The following MALRD1 variants were observed in gnomAD, a reference collection of about 807,000 sequenced individuals.
The protein encoded by MALRD1 is MAM and LDL-receptor class A domain-containing protein 1.
MALRD1 carries 247 observed loss-of-function variants against 242.1 expected under a neutral mutation model. The observed-to-expected ratio is 1.02, with a 90% CI of 0.92 to 1.13. MALRD1 has a LOEUF of 1.13. MALRD1 is among the 50% of genes most tolerant of loss of function. MALRD1 has a pLI of 0.00. For missense variants in MALRD1, 2,989 were observed against 2,533.1 expected (o/e 1.18, Z -3.86); for synonymous variants, 995 against 866.6 (o/e 1.15, Z -2.60).
rs181827635 is a variant in MALRD1 at position 19,234,717 on chromosome 10, A to G, written c.2992-22967A>G. 8.5e-5 allele frequency among the ~76,000 whole-genome samples: 13 copies of G among 152,278 alleles called. No individual in the cohort carries two copies. In the East Asian group the frequency reaches 1.2e-3, roughly 14 times the overall value. ...TAGATCCTACTATACTCCAGACACT[A>G]TGCCACTTGGTGGAGATATTAACAC... On this transcript the variant is annotated intron_variant, in intron 18 of 39. Transcript: ENST00000454679.
chr10:19,637,753 T>C (rs969304545), intron 36 of MALRD1, among the ~76,000 whole-genome samples: 7 of 152,076 alleles, frequency 4.6e-5, no homozygotes, highest in African/African-American at 1.7e-4. Context: ...TTGAGATCAC[T>C]TCCTTGAAAA....
At chr10:19,652,667 C>A (rs916441889) in intron 36 of MALRD1, among the ~76,000 whole-genome samples, 2 of 152,084 alleles carry the variant, frequency 1.3e-5, no homozygotes, top group Non-Finnish European at 2.9e-5. Context: ...ACCTGTAACC[C>A]CAACACCTAA....
intron 1 of MALRD1, among the ~76,000 whole-genome samples, chr10:19,052,761 G>A (rs1007718732): frequency 2.0e-5 from 3 of 151,990 alleles, no homozygotes; most frequent in East Asian, 1.9e-4. Flanking sequence ...TCCTGTTCCC[G>A]TGCTCCTCTA....
intron 31 of MALRD1, among the ~76,000 whole-genome samples, chr10:19,525,468 G>T (rs1439800376): frequency 6.6e-6 from 1 of 152,074 alleles, no homozygotes; most frequent in Non-Finnish European, 1.5e-5. Flanking sequence ...TGTGATTTGA[G>T]GATAGTACAC....
chr10:19,511,659 A>C (rs1564402701), intron 31 of MALRD1, among the ~76,000 whole-genome samples: 1 of 152,240 alleles, frequency 6.6e-6, no homozygotes, highest in Non-Finnish European at 1.5e-5. Context: ...CAATATGAGA[A>C]AATGGTCACA....
At position 19,165,774 on chromosome 10, in the gene MALRD1, C is replaced by A. The variant is rs1183728016; in HGVS notation, c.1794C>A (p.Leu598=). The A allele has an allele frequency of 9.7e-6, 12 of 1,231,558 alleles. No individual in the cohort carries two copies. The highest frequency in any genetic ancestry group is 1.2e-5 in the Non-Finnish European group (12 of 987,950). The allele number at this position is 1,231,558 out of a possible 1,614,324, so 76.3% of individuals were successfully genotyped here. ...ESQWSHAKID[L]IAEAGESTLP... is the part of the protein sequence containing the mutation. Reference sequence around the variant, plus strand: ...AGTGGAGCCACGCAAAAATTGATCTCATTGCAGAAGCGGGAGAATCTACTC... The same window carrying A: ...AGTGGAGCCACGCAAAAATTGATCTAATTGCAGAAGCGGGAGAATCTACTC... The change falls in exon 13 of 40, where the codon CTC becomes CTA. Residue 598 remains leucine (L), a synonymous_variant. Coordinates refer to ENST00000454679, the MANE Select transcript of MALRD1 (RefSeq NM_001142308.3).
chr10:19,529,357 T>C (rs2131340692), intron 31 of MALRD1, among the ~76,000 whole-genome samples: 1 of 152,302 alleles, frequency 6.6e-6, no homozygotes, highest in South Asian at 2.1e-4. Context: ...ATAAGTTGCT[T>C]ATAAAATGGT....
In MALRD1 at chr10:19,104,730, T is replaced by A. The variant is rs564660984; in HGVS notation, c.694+655T>A. On this transcript the variant is annotated intron_variant, in intron 5 of 39. Transcript: ENST00000454679. ...TATATTGTGGCATGATATAACAGAA[T>A]AAAGAAGGTATTTTGTAGATAAAGC... 6.8e-4 allele frequency among the ~76,000 whole-genome samples: 103 copies of A among 152,164 alleles called. No homozygotes were observed. The South Asian group carries it at 7.9e-3, about 12-fold the overall frequency.
At chr10:19,236,554 C>A (rs2131716679) in intron 18 of MALRD1, among the ~76,000 whole-genome samples, 1 of 152,244 alleles carries the variant, frequency 6.6e-6, no homozygotes. Flanking sequence ...TCCCTCATTC[C>A]TCTGCCTCTC....
At chr10:19,100,790 G>GT (rs1274758354) in intron 4 of MALRD1, among the ~76,000 whole-genome samples, 43 of 150,776 alleles carry the variant, frequency 2.9e-4, no homozygotes, top group East Asian at 5.8e-4. Context: ...GAGGAATGGT[G>GT]TTTTTTTTTG....
intron 5 of MALRD1, 101 bp downstream of exon 5, chr10:19,104,176 T>C (rs1836381812): frequency 1.7e-6 from 1 of 605,716 alleles, no homozygotes; most frequent in East Asian, 3.5e-5. Flanking sequence ...TTTTGTCTGA[T>C]GTTTTCATGT....
chr10:19,069,684 T>A (rs1253690746), intron 2 of MALRD1, among the ~76,000 whole-genome samples: 2 of 151,950 alleles, frequency 1.3e-5, no homozygotes, highest in African/African-American at 4.8e-5. Flanking sequence ...GTCTTTTTTT[T>A]TCTTTTAGTG....
intron 18 of MALRD1, among the ~76,000 whole-genome samples, chr10:19,247,133 T>G (rs1297988276): frequency 6.6e-6 from 1 of 152,110 alleles, no homozygotes; most frequent in East Asian, 1.9e-4. Flanking sequence ...TAGGATCTCA[T>G]GAACTGAAGA....
At chr10:19,607,137 C>T (rs1311306246) in intron 34 of MALRD1, among the ~76,000 whole-genome samples, 1 of 152,152 alleles carries the variant, frequency 6.6e-6, no homozygotes, top group East Asian at 1.9e-4. Flanking sequence ...AAATGTTTGC[C>T]TATTGAAGTC....
intron 36 of MALRD1, among the ~76,000 whole-genome samples, chr10:19,678,101 A>G (rs567574633): frequency 1.1e-4 from 17 of 152,198 alleles, no homozygotes; most frequent in African/African-American, 3.6e-4. Context: ...GCCAGGTAGC[A>G]TGATGCTTCC....
intron 18 of MALRD1, among the ~76,000 whole-genome samples, chr10:19,222,370 G>A: frequency 6.6e-6 from 1 of 152,122 alleles, no homozygotes; most frequent in East Asian, 1.9e-4. Context: ...TCCAGCCGAG[G>A]GACGCTAGAG....
rs1363764543 is a variant in MALRD1, at chr10:19,238,463, A to AAT, written c.2992-19217_2992-19216dup. On this transcript the variant is annotated intron_variant, in intron 18 of 39. Transcript: ENST00000454679. ...ATAATATACATTATATATAATATAT[A>AAT]ATATAATATATAATATACATTATAT... Among the ~76,000 whole-genome samples the AAT allele has an allele frequency of 5.4e-5, 2 of 36,978 alleles. 1 individual carries two copies. Among genetic ancestry groups the AAT allele is most frequent in the African/African-American group, 3.8e-4 (2 of 5,314 alleles). The allele number at this position is 36,978 out of a possible 152,430, so 24.3% of individuals were successfully genotyped here.
At chr10:19,070,871 A>T (rs1307727058) in intron 2 of MALRD1, among the ~76,000 whole-genome samples, 6 of 110,586 alleles carry the variant, frequency 5.4e-5, no homozygotes, top group African/African-American at 2.1e-4. Flanking sequence ...TTTTTTCCGG[A>T]GACACAGTCT....
intron 18 of MALRD1, among the ~76,000 whole-genome samples, chr10:19,256,816 T>C (rs1839535363): frequency 6.6e-6 from 1 of 152,128 alleles, no homozygotes; most frequent in South Asian, 2.1e-4. Flanking sequence ...AACTCCCACA[T>C]ATAACATTTG....
Sources: gnomAD v4.1 joint callset for allele counts (sites outside exome capture counted in the v4.1 genomes callset) on GRCh38, gnomAD v4.1.1 for gene constraint, MANE v1.5 for transcripts, NCBI Gene and HGNC (gene_info 2026-07-23, HGNC 2026-07-21) for gene names.